Variants in GRIK2 observed in about 807,000 individuals in gnomAD.
GRIK2 encodes glutamate ionotropic receptor kainate type subunit 2, also known as glutamate receptor ionotropic, kainate 2.
A neutral mutation model predicts 100.3 loss-of-function variants in GRIK2; 32 were observed. The ratio of observed to expected loss-of-function variants is 0.32; its 90% CI spans 0.24 to 0.43. The LOEUF (loss-of-function observed/expected upper bound fraction) is 0.43, where lower values mean the gene tolerates loss of function less well. Ranked by LOEUF, GRIK2 falls within the 20% of genes least tolerant of loss-of-function variation. The probability of loss-of-function intolerance (pLI) is 1.00; values close to 1 mark genes in which losing one functional copy is unlikely to be tolerated. For synonymous variants in GRIK2, 417 were observed against 389.4 expected (o/e 1.07, Z -0.83); for missense variants, 843 against 1,114.9 (o/e 0.76, Z 3.47).
At chr6:101,853,499 C>T (rs567474518) in intron 10 of GRIK2, among the ~76,000 whole-genome samples, 129 of 152,234 alleles carry the variant, frequency 8.5e-4, no homozygotes, top group Middle Eastern at 3.4e-3. Context: ...GAATAGAAAA[C>T]AGGGCTGCCA....
intron 11 of GRIK2, among the ~76,000 whole-genome samples, chr6:101,886,661 T>C (rs2128456034): frequency 6.6e-6 from 1 of 152,062 alleles, no homozygotes; most frequent in East Asian, 1.9e-4. Context: ...AAGAATGCAA[T>C]ATATTATTAC....
intron 10 of GRIK2, among the ~76,000 whole-genome samples, chr6:101,824,239 G>A (rs1782164990): frequency 6.6e-6 from 1 of 152,008 alleles, no homozygotes; most frequent in Non-Finnish European, 1.5e-5. Flanking sequence ...CATCACCCAA[G>A]CAGTATATAC....
At chr6:101,894,365 A>C (rs911830309) in intron 12 of GRIK2, among the ~76,000 whole-genome samples, 1 of 151,752 alleles carries the variant, frequency 6.6e-6, no homozygotes, top group Non-Finnish European at 1.5e-5. Context: ...TTATAGCATA[A>C]TGACATAATC....
intron 16 of GRIK2, among the ~76,000 whole-genome samples, chr6:102,057,106 T>G (rs1047144516): frequency 1.3e-5 from 2 of 151,994 alleles, no homozygotes; most frequent in Non-Finnish European, 2.9e-5. Flanking sequence ...TTAATTATCA[T>G]TTCAGGTTTA....
intron 7 of GRIK2, among the ~76,000 whole-genome samples, chr6:101,754,104 TCTTCTC>T (rs1274613988): frequency 6.8e-6 from 1 of 146,776 alleles, no homozygotes; most frequent in African/African-American, 2.8e-5. Flanking sequence ...TTAGATAACT[TCTTCTC>T]CTATAAGTAT....
chr6:101,860,342 C>A (rs1784664089), intron 11 of GRIK2, among the ~76,000 whole-genome samples: 1 of 152,050 alleles, frequency 6.6e-6, no homozygotes, highest in Non-Finnish European at 1.5e-5. Flanking sequence ...GCAAAAGGAA[C>A]AGGAATTTAT....
At chr6:101,895,877 G>A (rs186999615) in intron 12 of GRIK2, among the ~76,000 whole-genome samples, 12 of 151,358 alleles carry the variant, frequency 7.9e-5, no homozygotes, top group South Asian at 6.3e-4. Context: ...TTTTAAATAC[G>A]TGCTGTTCTG....
intron 14 of GRIK2, among the ~76,000 whole-genome samples, chr6:102,001,067 A>C (rs1029683672): frequency 8.5e-5 from 13 of 152,104 alleles, no homozygotes; most frequent in Non-Finnish European, 1.6e-4. Flanking sequence ...GGATACTTCT[A>C]AATAGTGAGT....
At chr6:101,777,042 C>T (rs577829654) in intron 7 of GRIK2, among the ~76,000 whole-genome samples, 63 of 152,326 alleles carry the variant, frequency 4.1e-4, no homozygotes, top group Middle Eastern at 3.4e-3. Context: ...AGGAATTGTG[C>T]GAACTGCTTT....
intron 4 of GRIK2, among the ~76,000 whole-genome samples, chr6:101,637,071 A>G (rs1374551061): frequency 1.3e-5 from 2 of 151,848 alleles, no homozygotes; most frequent in Non-Finnish European, 2.9e-5. Context: ...CTTTTTGGCC[A>G]TTTATTCCCA....
chr6:101,440,922 T>C (rs1204307050), intron 2 of GRIK2, among the ~76,000 whole-genome samples: 1 of 151,632 alleles, frequency 6.6e-6, no homozygotes, highest in Non-Finnish European at 1.5e-5. Flanking sequence ...TTACTGAAGA[T>C]TACAGAAAGG....
intron 2 of GRIK2, among the ~76,000 whole-genome samples, chr6:101,478,611 T>C (rs1772375117): frequency 1.3e-5 from 2 of 151,450 alleles, no homozygotes; most frequent in Non-Finnish European, 2.9e-5. Context: ...CCTCCCGGGT[T>C]CATGCCATTC....
chr6:101,540,729 G>A (rs968954178), intron 2 of GRIK2, among the ~76,000 whole-genome samples: 3 of 151,884 alleles, frequency 2.0e-5, no homozygotes, highest in African/African-American at 7.2e-5. Context: ...TAAGAGACTG[G>A]ATGACCTTGC....
rs533360085 is a variant in GRIK2 at position 101,778,229 on chromosome 6, A to G, written c.952-21419A>G. 3.9e-5 allele frequency among the ~76,000 whole-genome samples: 6 copies of G among 152,284 alleles called. No homozygotes were observed. In the East Asian group the frequency reaches 1.2e-3, roughly 29 times the overall value. ...CTAGAATGTAAAAGGAAGAAAGAAG[A>G]TACAAATTAGTGATGTTTAATTTGC... On this transcript the variant is annotated intron_variant, in intron 7 of 16. Transcript: ENST00000369134.
chr6:101,626,300 G>C (rs927868213), intron 3 of GRIK2, 80 bp from the exon 4 acceptor site: 8 of 1,232,330 alleles, frequency 6.5e-6, no homozygotes, highest in Non-Finnish European at 9.1e-6. Flanking sequence ...ATACCTTTGG[G>C]TTTAAAATAA....
At chr6:101,491,011 G>A (rs1341257925) in intron 2 of GRIK2, among the ~76,000 whole-genome samples, 1 of 145,720 alleles carries the variant, frequency 6.9e-6, no homozygotes, top group Non-Finnish European at 1.5e-5. Context: ...GATTAGAAAC[G>A]GTGAGAAAGT....
At chr6:101,521,105 A>T (rs1774859753) in intron 2 of GRIK2, among the ~76,000 whole-genome samples, 1 of 152,102 alleles carries the variant, frequency 6.6e-6, no homozygotes. Context: ...GAACTTCCAG[A>T]TTAAAAAGTT....
At chr6:101,670,392 G>T (rs1770345398) in intron 4 of GRIK2, among the ~76,000 whole-genome samples, 1 of 152,080 alleles carries the variant, frequency 6.6e-6, no homozygotes, top group Non-Finnish European at 1.5e-5. Context: ...CTGGCAAACT[G>T]AAATCTGTTA....
intron 15 of GRIK2, among the ~76,000 whole-genome samples, chr6:102,043,543 A>G (rs1770711717): frequency 6.6e-6 from 1 of 152,046 alleles, no homozygotes; most frequent in African/African-American, 2.4e-5. Flanking sequence ...TTCATTTAGC[A>G]TAATATTCTC....
Sources: gnomAD v4.1 joint callset for allele counts (sites outside exome capture counted in the v4.1 genomes callset) on GRCh38, gnomAD v4.1.1 for gene constraint, MANE v1.5 for transcripts, NCBI Gene and HGNC (gene_info 2026-07-23, HGNC 2026-07-21) for gene names.